UTRN: variants seen among roughly 807,000 people sequenced by gnomAD.
The protein encoded by UTRN is utrophin, also known as dystrophin-related protein 1.
In UTRN, 283 loss-of-function variants were observed where a neutral mutation model predicts 463.9. The observed-to-expected ratio is 0.61, with a 90% CI of 0.55 to 0.67. The LOEUF is 0.67. Ranked by LOEUF, UTRN falls within the 30% of genes least tolerant of loss-of-function variation. The probability of loss-of-function intolerance (pLI) is 0.00; values close to 1 mark genes in which losing one functional copy is unlikely to be tolerated. For synonymous variants in UTRN, 1,442 were observed against 1,431.5 expected (o/e 1.01, Z -0.17); for missense variants, 3,922 against 4,084.3 (o/e 0.96, Z 1.08).
chr6:144,342,034 T>C (rs948389752), intron 2 of UTRN, among the ~76,000 whole-genome samples: 22 of 152,240 alleles, frequency 1.4e-4, no homozygotes, highest in African/African-American at 5.1e-4. Flanking sequence ...CTGTTCTGTA[T>C]TTTGAATATT....
At chr6:144,563,020 T>G (rs1266912406) in intron 50 of UTRN, among the ~76,000 whole-genome samples, 1 of 152,202 alleles carries the variant, frequency 6.6e-6, no homozygotes, top group Non-Finnish European at 1.5e-5. Flanking sequence ...TGTCTGTTCA[T>G]AAGACACAAT....
At chr6:144,695,143 C>T (rs964155338) in intron 52 of UTRN, among the ~76,000 whole-genome samples, 3 of 151,902 alleles carry the variant, frequency 2.0e-5, no homozygotes, top group African/African-American at 7.3e-5. Flanking sequence ...TCTAATTTAT[C>T]ATAATTTTTT....
intron 2 of UTRN, among the ~76,000 whole-genome samples, chr6:144,301,536 C>CTTTTT (rs200484231): frequency 2.8e-3 from 256 of 92,748 alleles, no homozygotes; most frequent in Non-Finnish European, 4.5e-3. Context: ...TTCTTTCTTT[C>CTTTTT]TTTTTTTTTT....
intron 34 of UTRN, among the ~76,000 whole-genome samples, chr6:144,504,965 A>G (rs530841471): frequency 5.3e-5 from 8 of 152,254 alleles, no homozygotes; most frequent in African/African-American, 1.9e-4. Flanking sequence ...CAGGGATTCA[A>G]CTTCTTCCTG....
At chr6:144,828,659 C>T (rs568873262) in intron 68 of UTRN, 131 bp from the exon 69 acceptor site, 5 of 870,568 alleles carry the variant, frequency 5.7e-6, no homozygotes, top group South Asian at 3.1e-5. Context: ...GTTTTACAGT[C>T]GTGTTAGGAG....
intron 17 of UTRN, among the ~76,000 whole-genome samples, chr6:144,450,391 C>G (rs1433764769): frequency 6.6e-6 from 1 of 152,164 alleles, no homozygotes; most frequent in Non-Finnish European, 1.5e-5. Context: ...CTAATACTTG[C>G]AGTTTGCAAA....
At chr6:144,298,676 C>T (rs1266616458) in intron 2 of UTRN, among the ~76,000 whole-genome samples, 4 of 152,146 alleles carry the variant, frequency 2.6e-5, no homozygotes, top group African/African-American at 7.2e-5. Flanking sequence ...TTCGAATGAG[C>T]CTTTTTTGGT....
At chr6:144,744,161 A>C (rs996424795) in intron 54 of UTRN, among the ~76,000 whole-genome samples, 3 of 147,696 alleles carry the variant, frequency 2.0e-5, no homozygotes, top group Non-Finnish European at 3.0e-5. Context: ...ACTGTGGCAC[A>C]TAACTGTGAT....
intron 10 of UTRN, among the ~76,000 whole-genome samples, chr6:144,436,464 A>C (rs1240503425): frequency 1.3e-5 from 2 of 152,124 alleles, no homozygotes; most frequent in African/African-American, 4.8e-5. Flanking sequence ...CCAAATCTTT[A>C]AGATTTGAGT....
chr6:144,494,497 A>G (rs1264630594), intron 33 of UTRN, among the ~76,000 whole-genome samples: 3 of 152,222 alleles, frequency 2.0e-5, no homozygotes, highest in African/African-American at 7.2e-5. Context: ...AGAGCAAAAG[A>G]ACAAAGCTTC....
intron 52 of UTRN, among the ~76,000 whole-genome samples, chr6:144,689,180 T>C (rs2128690837): frequency 6.6e-6 from 1 of 152,302 alleles, no homozygotes; most frequent in South Asian, 2.1e-4. Context: ...AAGGTACTTC[T>C]CTTGTGGGGA....
intron 51 of UTRN, among the ~76,000 whole-genome samples, chr6:144,589,423 C>A (rs1339534910): frequency 6.6e-6 from 1 of 152,004 alleles, no homozygotes; most frequent in Non-Finnish European, 1.5e-5. Context: ...ATTTGTTTTG[C>A]AAGTCAGCAA....
chr6:144,710,445 C>T (rs1039997802), intron 53 of UTRN, among the ~76,000 whole-genome samples: 2 of 152,198 alleles, frequency 1.3e-5, no homozygotes, highest in Admixed American at 6.5e-5. Flanking sequence ...ATGAGTGATT[C>T]ACAGATTGGC....
chr6:144,618,225 CT>C (rs1327233419), intron 51 of UTRN, among the ~76,000 whole-genome samples: 4 of 152,050 alleles, frequency 2.6e-5, no homozygotes. Context: ...AAAATGGAAG[CT>C]TTGGGATATC....
intron 2 of UTRN, among the ~76,000 whole-genome samples, chr6:144,332,432 A>G (rs1243306775): frequency 6.6e-6 from 1 of 152,174 alleles, no homozygotes; most frequent in Non-Finnish European, 1.5e-5. Flanking sequence ...TAGACTTGCT[A>G]TTCCTGTTTA....
At chr6:144,518,854 T>C (rs907452490) in intron 39 of UTRN, among the ~76,000 whole-genome samples, 1 of 152,180 alleles carries the variant, frequency 6.6e-6, no homozygotes, top group Non-Finnish European at 1.5e-5. Context: ...TTCAAATCTA[T>C]AGTTTTCAAA....
chr6:144,452,328 A>C (rs1371337138), intron 18 of UTRN, among the ~76,000 whole-genome samples: 1 of 152,230 alleles, frequency 6.6e-6, no homozygotes, highest in African/African-American at 2.4e-5. Flanking sequence ...GATAGCACTT[A>C]CATGTAAACA....
At chr6:144,396,508 G>T (rs1393071735) in intron 2 of UTRN, among the ~76,000 whole-genome samples, 3 of 152,134 alleles carry the variant, frequency 2.0e-5, no homozygotes, top group African/African-American at 4.8e-5. Context: ...GATTAAAAAT[G>T]ACTGAAATCA....
chr6:144,569,889 G>T (rs531241302), intron 50 of UTRN, among the ~76,000 whole-genome samples: 1 of 152,222 alleles, frequency 6.6e-6, no homozygotes, highest in South Asian at 2.1e-4. Context: ...TGGAAGAAGT[G>T]GCTATGAGTC....
Sources: gnomAD v4.1 joint callset for allele counts (sites outside exome capture counted in the v4.1 genomes callset) on GRCh38, gnomAD v4.1.1 for gene constraint, MANE v1.5 for transcripts, NCBI Gene and HGNC (gene_info 2026-07-23, HGNC 2026-07-21) for gene names.